Variants in IBTK observed in about 807,000 individuals in gnomAD.
IBTK encodes the protein BTK-binding protein.
Under a neutral mutation model 154.9 loss-of-function variants are expected in IBTK, and 83 were observed. The observed-to-expected ratio is 0.54, with a 90% CI of 0.45 to 0.64. The LOEUF (loss-of-function observed/expected upper bound fraction) is 0.64. IBTK is among the 30% of genes least tolerant of loss of function. IBTK has a pLI of 0.00. For synonymous variants in IBTK, 515 were observed against 536.1 expected (o/e 0.96, Z 0.54); for missense variants, 1,332 against 1,584.6 (o/e 0.84, Z 2.71).
At chr6:82,215,780 C>CAAAA (rs59634766) in intron 11 of IBTK, among the ~76,000 whole-genome samples, 24 of 81,730 alleles carry the variant, frequency 2.9e-4, no homozygotes, top group African/African-American at 4.0e-4. Flanking sequence ...GACTCCATCT[C>CAAAA]AAAAAAAAAA....
At chr6:82,179,561 A>G (rs983515733) in intron 26 of IBTK, among the ~76,000 whole-genome samples, 1 of 152,236 alleles carries the variant, frequency 6.6e-6, no homozygotes, top group Non-Finnish European at 1.5e-5. Flanking sequence ...TAAGACGACG[A>G]CCAGTAATTG....
chr6:82,228,823 G>A (rs757040933), intron 4 of IBTK, among the ~76,000 whole-genome samples: 1 of 151,886 alleles, frequency 6.6e-6, no homozygotes, highest in Non-Finnish European at 1.5e-5. Context: ...GGGTTTCACT[G>A]TGTTAGCCAG....
Position 82,212,715 on chromosome 6 carries a change from C to T in IBTK, c.2283G>A (p.Gln761=), listed in dbSNP as rs375852794. Residue 761 remains glutamine, a synonymous_variant, in exon 13 of 29, where the codon CAG becomes CAA. Coordinates refer to ENST00000306270, the MANE Select transcript of IBTK (RefSeq NM_015525.4). ...TTCCTTTCCTTACTTACCATTTTTT[C>T]TGACTTAGCTTCAGTTTATTACCAG... ...KNTGNKLKLS[Q]KKCSFLCDVT... The T allele has an allele frequency of 1.4e-5, 22 of 1,584,506 alleles. No homozygotes were observed. The African/African-American group carries it at 2.7e-4, about 19-fold the overall frequency.
intron 16 of IBTK, among the ~76,000 whole-genome samples, chr6:82,209,361 A>G (rs1394457986): frequency 2.0e-5 from 3 of 152,260 alleles, no homozygotes; most frequent in Non-Finnish European, 4.4e-5. Flanking sequence ...ATATCCACAC[A>G]ATAAATATTA....
chr6:82,218,068 T>C lies in IBTK; in HGVS notation c.1318A>G (p.Ile440Val), dbSNP rs758870754. ...TTTCTATTTAAAGCAATATCAGAAA[T>C]GAAGACCTGACGTGGATAGGCCCAT... ...CRWAYPRQVF[I>V]SDIALNRNEI... Residue 440 changes from isoleucine (I) to valine (V), a missense_variant, in exon 10 of 29, where the codon ATT (isoleucine) becomes GTT (valine). Ile to Val is a conservative substitution (Grantham distance 29). Coordinates refer to ENST00000306270, the MANE Select transcript of IBTK (RefSeq NM_015525.4). 282 of 1,612,508 alleles carry C rather than the reference T, an allele frequency of 1.7e-4. 1 individual carries two copies. Among genetic ancestry groups the C allele is most frequent in the Middle Eastern group, 8.2e-4 (5 of 6,078 alleles).
intron 26 of IBTK, among the ~76,000 whole-genome samples, chr6:82,179,557 G>A (rs1768235316): frequency 1.3e-5 from 2 of 152,156 alleles, no homozygotes; most frequent in Admixed American, 6.5e-5. Context: ...GAAATAAGAC[G>A]ACGACCAGTA....
At chr6:82,205,609 T>TAC (rs977704013) in intron 16 of IBTK, 1 of 151,898 alleles carries the variant, frequency 6.6e-6, no homozygotes, top group African/African-American at 2.4e-5. Flanking sequence ...CTACTAAAAA[T>TAC]ACACACATTA....
At chr6:82,194,955 G>A (rs1582201437) in intron 22 of IBTK, among the ~76,000 whole-genome samples, 1 of 152,146 alleles carries the variant, frequency 6.6e-6, no homozygotes, top group South Asian at 2.1e-4. Flanking sequence ...ACATGAAGCA[G>A]TAATTTTAAA....
At chr6:82,246,672 T>C (rs2127832792) in intron 1 of IBTK, among the ~76,000 whole-genome samples, 1 of 152,226 alleles carries the variant, frequency 6.6e-6, no homozygotes, top group Middle Eastern at 3.4e-3. Flanking sequence ...GTAATTATTT[T>C]TAGAAACCAG....
Position 82,247,695 on chromosome 6 carries a change from C to A in IBTK, c.-491G>T. 1 of 398,702 alleles carries A rather than the reference C, an allele frequency of 2.5e-6. No individual in the cohort carries two copies. The highest frequency in any genetic ancestry group is 1.3e-4 in the South Asian group (1 of 7,802). 24.7% of individuals were successfully genotyped at this position (398,702 alleles called of 1,614,324 possible). On this transcript the variant is annotated 5_prime_UTR_variant, in exon 1 of 29. Transcript: ENST00000306270. The stretch of plus-strand genomic sequence containing the variant: ...GCCAGTCCCCAGACCCGGGTCAGTT[C>A]GGCAGGCGGCTGCAATACAGCCGCT...
intron 23 of IBTK, among the ~76,000 whole-genome samples, chr6:82,192,747 CAAAA>C (rs148526883): frequency 4.5e-5 from 4 of 89,136 alleles, no homozygotes; most frequent in African/African-American, 4.1e-5. Context: ...AACTCTGTCT[CAAAA>C]AAAAAAAAAA....
intron 18 of IBTK, among the ~76,000 whole-genome samples, chr6:82,201,786 A>C (rs563876936): frequency 6.6e-6 from 1 of 151,864 alleles, no homozygotes; most frequent in African/African-American, 2.4e-5. Flanking sequence ...GCAGTGGTGC[A>C]ATCTCAGCTC....
intron 26 of IBTK, among the ~76,000 whole-genome samples, chr6:82,175,993 C>T (rs1768098918): frequency 6.6e-6 from 1 of 151,170 alleles, no homozygotes. Context: ...CAAGCCATTG[C>T]ACTCCAGCCT....
rs1300693710 is a variant in IBTK, at chr6:82,216,261, AAAAT to A, written c.1427-15_1427-12del. 1 of 1,537,428 alleles carries A rather than the reference AAAAT, an allele frequency of 6.5e-7. No individual in the cohort carries two copies. The highest frequency in any genetic ancestry group is 1.4e-5 in the African/African-American group (1 of 71,802). On this transcript the variant is annotated splice_polypyrimidine_tract_variant and intron_variant, in intron 10 of 28. Transcript: ENST00000306270. Reference sequence around the variant, plus strand: ...GGTTTGATAAAATCTCTGTTAAAAAAAAATAAACTACCATTAATCAAGGCTTTAC... The same window carrying A: ...GGTTTGATAAAATCTCTGTTAAAAAAAAACTACCATTAATCAAGGCTTTAC...
At chr6:82,232,730 T>G (rs777695926) in intron 3 of IBTK, among the ~76,000 whole-genome samples, 1 of 152,128 alleles carries the variant, frequency 6.6e-6, no homozygotes, top group South Asian at 2.1e-4. Flanking sequence ...AAAAAAATAA[T>G]TGGAGCCGGG....
intron 1 of IBTK, among the ~76,000 whole-genome samples, chr6:82,242,095 C>T (rs1372953981): frequency 6.6e-6 from 1 of 152,166 alleles, no homozygotes; most frequent in Non-Finnish European, 1.5e-5. Context: ...AATGGCCAGG[C>T]GCAGTGGCTC....
chr6:82,242,999 T>C (rs566394944), intron 1 of IBTK, among the ~76,000 whole-genome samples: 2 of 152,134 alleles, frequency 1.3e-5, no homozygotes, highest in Admixed American at 1.3e-4. Context: ...CCCAGCACTT[T>C]GGGAGGCCAA....
At chr6:82,220,563 T>C (rs756104297) in intron 9 of IBTK, 27 bp downstream of exon 9, 8 of 1,579,902 alleles carry the variant, frequency 5.1e-6, no homozygotes, top group Non-Finnish European at 6.0e-6. Context: ...AGAGTAAGAT[T>C]ACACTTTTAC....
At chr6:82,236,031 G>A (rs982451207) in intron 2 of IBTK, among the ~76,000 whole-genome samples, 1 of 152,008 alleles carries the variant, frequency 6.6e-6, no homozygotes, top group Non-Finnish European at 1.5e-5. Context: ...GTGCCACCAC[G>A]CCCAGCTACT....
Sources: allele counts gnomAD v4.1 joint callset (sites outside exome capture counted in the v4.1 genomes callset), GRCh38; gene constraint gnomAD v4.1.1; transcripts MANE v1.5; gene names NCBI Gene and HGNC (gene_info 2026-07-23, HGNC 2026-07-21).